The following CSMD1 variants were observed in gnomAD, a reference collection of about 807,000 sequenced individuals.
The protein encoded by CSMD1 is CUB and sushi domain-containing protein 1.
In CSMD1, 213 loss-of-function variants were observed where a neutral mutation model predicts 417.5. That is an observed-to-expected ratio of 0.51 (90% confidence interval 0.46 to 0.57). CSMD1 has a LOEUF of 0.57. CSMD1 is among the 20% of genes least tolerant of loss of function. The pLI, the probability that CSMD1 is intolerant of heterozygous loss-of-function variation, is 0.00. For synonymous variants in CSMD1, 2,862 were observed against 1,736.8 expected, an observed-to-expected ratio of 1.65 and a Z score of -16.11; for missense variants, 6,923 against 4,529.7, an observed-to-expected ratio of 1.53 and a Z score of -15.17.
At position 3,478,990 on chromosome 8, in the gene CSMD1, G is replaced by A. The variant is rs116961879; in HGVS notation, c.1449-10166C>T. On this transcript the variant is annotated intron_variant, in intron 11 of 69. Coordinates refer to ENST00000635120, the MANE Select transcript of CSMD1 (RefSeq NM_033225.6). ...AGTGGTCCCTCCGACCTCCCTCATCGCCTCACCAACATCTCCCCAAGCCCA... is the reference window on the plus strand; with the variant it reads ...AGTGGTCCCTCCGACCTCCCTCATCACCTCACCAACATCTCCCCAAGCCCA... Among the ~76,000 whole-genome samples, 1,399 of 151,836 alleles carry A rather than the reference G, an allele frequency of 9.2e-3. 12 individuals carry two copies. The highest frequency in any genetic ancestry group is 0.013 in the Non-Finnish European group (898 of 67,942).
chr8:4,347,062 C>G (rs898252957), intron 3 of CSMD1, among the ~76,000 whole-genome samples: 5 of 152,076 alleles, frequency 3.3e-5, no homozygotes, highest in African/African-American at 4.8e-5. Context: ...CCAGAGACAC[C>G]TTTGACCATT....
intron 5 of CSMD1, among the ~76,000 whole-genome samples, chr8:3,829,534 A>G (rs911242086): frequency 2.6e-5 from 4 of 152,156 alleles, no homozygotes; most frequent in African/African-American, 7.2e-5. Context: ...ACATGATTAC[A>G]TGAGTTTGGG....
intron 26 of CSMD1, among the ~76,000 whole-genome samples, chr8:3,231,416 C>G (rs1540509): frequency 0.069 from 10,548 of 152,174 alleles, 517 homozygotes; most frequent in Non-Finnish European, 0.1. Context: ...TACCATCACA[C>G]TGTCCATTTT....
At chr8:3,600,332 G>T (rs755480005) in intron 8 of CSMD1, among the ~76,000 whole-genome samples, 1 of 152,162 alleles carries the variant, frequency 6.6e-6, no homozygotes, top group Non-Finnish European at 1.5e-5. Context: ...GGTGGAGTGG[G>T]TGGATTTATT....
At chr8:3,263,217 G>C (rs1801206033) in intron 26 of CSMD1, among the ~76,000 whole-genome samples, 2 of 152,244 alleles carry the variant, frequency 1.3e-5, no homozygotes, top group South Asian at 4.1e-4. Context: ...TCCTGCCTCA[G>C]CCTCCCGAGT....
intron 3 of CSMD1, among the ~76,000 whole-genome samples, chr8:4,112,407 T>A (rs1048197592): frequency 1.9e-4 from 29 of 152,282 alleles, no homozygotes; most frequent in Admixed American, 1.7e-3. Flanking sequence ...AGGCTGAGCT[T>A]GCCAGTAAAT....
chr8:4,210,355 A>AAC (rs1800233242), intron 3 of CSMD1, among the ~76,000 whole-genome samples: 1 of 152,222 alleles, frequency 6.6e-6, no homozygotes, highest in African/African-American at 2.4e-5. Context: ...GTATGATACC[A>AAC]ACTTTGAGAC....
intron 5 of CSMD1, among the ~76,000 whole-genome samples, chr8:3,845,357 C>G (rs1803431003): frequency 6.6e-6 from 1 of 152,172 alleles, no homozygotes; most frequent in African/African-American, 2.4e-5. Context: ...GCTCCTGGAC[C>G]ACACACCTGT....
At chr8:3,203,384 T>G (rs1247133019) in intron 31 of CSMD1, among the ~76,000 whole-genome samples, 2 of 152,150 alleles carry the variant, frequency 1.3e-5, no homozygotes, top group Non-Finnish European at 2.9e-5. Flanking sequence ...CACTGCTATC[T>G]ACGCTGCTGC....
At chr8:4,569,939 T>A (rs1798804105) in intron 2 of CSMD1, among the ~76,000 whole-genome samples, 1 of 151,080 alleles carries the variant, frequency 6.6e-6, no homozygotes, top group African/African-American at 2.5e-5. Flanking sequence ...TTTGGCTCTC[T>A]GTCTATTGTT....
intron 59 of CSMD1, among the ~76,000 whole-genome samples, chr8:2,964,410 G>C (rs996630355): frequency 2.4e-4 from 37 of 152,328 alleles, no homozygotes; most frequent in African/African-American, 8.7e-4. Flanking sequence ...GAATGTCCAG[G>C]GGGAGGCCCC....
chr8:4,350,462 T>C (rs1052745340), intron 3 of CSMD1, among the ~76,000 whole-genome samples: 2 of 152,148 alleles, frequency 1.3e-5, no homozygotes, highest in Admixed American at 6.5e-5. Context: ...CACATGATAC[T>C]CTTTGCCTGC....
Position 3,997,995 on chromosome 8 carries a change from G to C in CSMD1, c.726C>G (p.Pro242=), listed in dbSNP as rs368733551. 5.0e-6 allele frequency: 8 copies of C among 1,610,046 alleles called. No homozygotes were observed. Among genetic ancestry groups the C allele is most frequent in the Non-Finnish European group, 6.8e-6 (8 of 1,178,004 alleles). ...ADCTWTILAE[P]GDTIALVFTD... The stretch of plus-strand genomic sequence containing the variant: ...TGAAGACCAGCGCAATGGTGTCCCC[G>C]GGCTCAGCCAGAATGGTCCAGGTGC... The change falls in exon 5 of 70, where the codon CCC becomes CCG. Residue 242 remains proline (P), a synonymous_variant. Coordinates refer to ENST00000635120, the MANE Select transcript of CSMD1 (RefSeq NM_033225.6).
chr8:4,258,863 G>C (rs1481681716), intron 3 of CSMD1, among the ~76,000 whole-genome samples: 1 of 152,132 alleles, frequency 6.6e-6, no homozygotes, highest in Non-Finnish European at 1.5e-5. Context: ...GGCTGCAAAA[G>C]TCTCATCTCT....
intron 3 of CSMD1, among the ~76,000 whole-genome samples, chr8:4,152,437 G>C (rs1796616306): frequency 1.3e-5 from 2 of 152,060 alleles, no homozygotes; most frequent in South Asian, 4.2e-4. Context: ...CCAGCAATTT[G>C]GCCAAGGCAA....
chr8:3,908,404 A>G (rs1808247939), intron 5 of CSMD1, among the ~76,000 whole-genome samples: 1 of 152,210 alleles, frequency 6.6e-6, no homozygotes, highest in Non-Finnish European at 1.5e-5. Flanking sequence ...AATTTGCATC[A>G]GCATTCTGTG....
chr8:4,622,806 A>G (rs531407397), intron 2 of CSMD1, among the ~76,000 whole-genome samples: 63 of 152,304 alleles, frequency 4.1e-4, no homozygotes, highest in African/African-American at 1.5e-3. Context: ...AGAAGGCACA[A>G]AAGGGAAAGT....
At chr8:3,616,947 ATAAG>A (rs766883189) in intron 7 of CSMD1, 150 bp from the exon 8 acceptor site, 11 of 493,196 alleles carry the variant, frequency 2.2e-5, no homozygotes, top group Non-Finnish European at 3.6e-5. Context: ...ATACATTCAA[ATAAG>A]TGTTTATATT....
chr8:4,397,762 G>A (rs1258040621), intron 3 of CSMD1, among the ~76,000 whole-genome samples: 1 of 151,838 alleles, frequency 6.6e-6, no homozygotes, highest in Non-Finnish European at 1.5e-5. Flanking sequence ...AAGACATGAA[G>A]GGAAAAACCT....
Sources: gnomAD v4.1 joint callset for allele counts (sites outside exome capture counted in the v4.1 genomes callset) on GRCh38, gnomAD v4.1.1 for gene constraint, MANE v1.5 for transcripts, NCBI Gene and HGNC (gene_info 2026-07-23, HGNC 2026-07-21) for gene names.